TMEM163: variants seen among roughly 807,000 people sequenced by gnomAD.
TMEM163 encodes transmembrane protein 163.
In TMEM163, 17 loss-of-function variants were observed where a neutral mutation model predicts 29.3. The observed-to-expected ratio is 0.58, with a 90% CI of 0.40 to 0.87. The LOEUF is 0.87. Ranked by LOEUF, TMEM163 falls within the 40% of genes least tolerant of loss-of-function variation. The pLI is 0.00. For synonymous variants in TMEM163, 157 were observed against 160.6 expected (o/e 0.98, Z 0.17); for missense variants, 303 against 381.5 (o/e 0.79, Z 1.71).
intron 2 of TMEM163, among the ~76,000 whole-genome samples, chr2:134,689,382 A>G (rs967450569): frequency 2.0e-5 from 3 of 152,160 alleles, no homozygotes; most frequent in African/African-American, 7.2e-5. Flanking sequence ...TGCTGGGATT[A>G]CAGGCATGAG....
At chr2:134,623,160 T>C (rs1229086397) in intron 2 of TMEM163, among the ~76,000 whole-genome samples, 2 of 152,196 alleles carry the variant, frequency 1.3e-5, no homozygotes, top group Non-Finnish European at 2.9e-5. Flanking sequence ...TCTAAAGGTT[T>C]CTGATGGTGG....
chr2:134,534,119 C>T (rs961260131), intron 4 of TMEM163, among the ~76,000 whole-genome samples: 3 of 152,104 alleles, frequency 2.0e-5, no homozygotes, highest in African/African-American at 7.2e-5. Context: ...AAAAAGCAGC[C>T]AGCTCAGGGT....
intron 5 of TMEM163, among the ~76,000 whole-genome samples, chr2:134,489,319 C>A (rs559223609): frequency 6.6e-6 from 1 of 151,606 alleles, no homozygotes. Flanking sequence ...ATGGTTCACA[C>A]CTGTAATCCC....
At chr2:134,657,810 A>G (rs185622573) in intron 2 of TMEM163, among the ~76,000 whole-genome samples, 1 of 111,620 alleles carries the variant, frequency 9.0e-6, no homozygotes, top group Non-Finnish European at 1.7e-5. Context: ...TCTCAAAAAT[A>G]AAAAATAAAA....
At chr2:134,609,798 G>A (rs1031199557) in intron 2 of TMEM163, among the ~76,000 whole-genome samples, 1 of 111,748 alleles carries the variant, frequency 8.9e-6, no homozygotes, top group African/African-American at 3.7e-5. Context: ...GACAGACCCC[G>A]AGAACTGTAC....
chr2:134,694,825 T>C (rs1263460420), intron 2 of TMEM163, among the ~76,000 whole-genome samples: 2 of 152,084 alleles, frequency 1.3e-5, no homozygotes, highest in African/African-American at 2.4e-5. Context: ...TCAACTGACA[T>C]CTAAAAATAC....
At chr2:134,622,716 G>C (rs567643227) in intron 2 of TMEM163, among the ~76,000 whole-genome samples, 7 of 152,194 alleles carry the variant, frequency 4.6e-5, no homozygotes, top group African/African-American at 1.7e-4. Flanking sequence ...GGTCATTGTG[G>C]ATATTTTCAT....
chr2:134,459,559 CCCCA>C (rs765068190), intron 6 of TMEM163, among the ~76,000 whole-genome samples: 6 of 106,714 alleles, frequency 5.6e-5, no homozygotes, highest in South Asian at 3.8e-4. Context: ...CCCACGCCTC[CCCCA>C]TCTGCTACTG....
Position 134,502,960 on chromosome 2 carries a change from A to T in TMEM163, c.496T>A (p.Ser166Thr). The T allele has an allele frequency of 6.2e-7, 1 of 1,614,046 alleles. No homozygotes were observed. ...ATGGCTTTGACCACTATACATATGG[A>T]TGACAGAAGGAATATCACCCCCAAG... ...VILGVIFLLSSICIVVKAIHD... is the reference protein window; with the variant it reads ...VILGVIFLLSTICIVVKAIHD... Residue 166 changes from serine (S) to threonine (T), a missense_variant, in exon 5 of 8, where the codon TCC becomes ACC. Physicochemically the swap from Ser to Thr is moderately conservative, Grantham distance 58. Coordinates refer to ENST00000281924, the MANE Select transcript of TMEM163 (RefSeq NM_030923.5).
At chr2:134,465,183 C>A in intron 6 of TMEM163, among the ~76,000 whole-genome samples, 1 of 97,376 alleles carries the variant, frequency 1.0e-5, no homozygotes, top group Non-Finnish European at 1.7e-5. Context: ...GGTGAGTCCG[C>A]ATCTTTAAAA....
At chr2:134,550,775 A>T in intron 3 of TMEM163, 114 bp from the exon 4 acceptor site, 1 of 999,910 alleles carries the variant, frequency 1.0e-6, no homozygotes, top group Non-Finnish European at 1.5e-6. Flanking sequence ...AACTCTGAGC[A>T]AAGAGGTCTC....
At chr2:134,627,747 C>T (rs562662802) in intron 2 of TMEM163, among the ~76,000 whole-genome samples, 104 of 152,226 alleles carry the variant, frequency 6.8e-4, no homozygotes, top group African/African-American at 2.1e-3. Context: ...AAAGTTATTC[C>T]TATGAAATGT....
At chr2:134,714,459 C>T (rs1441670375) in intron 1 of TMEM163, among the ~76,000 whole-genome samples, 1 of 152,196 alleles carries the variant, frequency 6.6e-6, no homozygotes, top group Non-Finnish European at 1.5e-5. Context: ...CTCATTCATC[C>T]AACTGGGTAC....
chr2:134,461,006 A>G (rs1236398331), intron 6 of TMEM163, among the ~76,000 whole-genome samples: 1 of 152,184 alleles, frequency 6.6e-6, no homozygotes, highest in East Asian at 1.9e-4. Flanking sequence ...GCCACCTGCC[A>G]CTTTGCTCCA....
At chr2:134,496,546 CA>C (rs1679565688) in intron 5 of TMEM163, among the ~76,000 whole-genome samples, 1 of 152,124 alleles carries the variant, frequency 6.6e-6, no homozygotes, top group South Asian at 2.1e-4. Context: ...CAGAGATGGC[CA>C]CCTCGCCAGA....
At chr2:134,686,860 G>T (rs1263605723) in intron 2 of TMEM163, among the ~76,000 whole-genome samples, 1 of 152,174 alleles carries the variant, frequency 6.6e-6, no homozygotes, top group East Asian at 1.9e-4. Context: ...AGTAGCCAGA[G>T]AATCAGCATT....
intron 2 of TMEM163, among the ~76,000 whole-genome samples, chr2:134,676,461 T>C (rs923340196): frequency 2.0e-5 from 3 of 152,202 alleles, no homozygotes; most frequent in Non-Finnish European, 4.4e-5. Flanking sequence ...GATATAGATA[T>C]ATATATAAAT....
chr2:134,587,031 T>G (rs558703258), intron 2 of TMEM163, among the ~76,000 whole-genome samples: 1 of 151,770 alleles, frequency 6.6e-6, no homozygotes. Context: ...TAAGATCTCA[T>G]CTGTGAGTCC....
At chr2:134,646,620 T>C (rs1683343769) in intron 2 of TMEM163, among the ~76,000 whole-genome samples, 1 of 151,900 alleles carries the variant, frequency 6.6e-6, no homozygotes, top group African/African-American at 2.4e-5. Flanking sequence ...AATTTTTGTA[T>C]TATTAATAGA....
Sources: gnomAD v4.1 joint callset for allele counts (sites outside exome capture counted in the v4.1 genomes callset) on GRCh38, gnomAD v4.1.1 for gene constraint, MANE v1.5 for transcripts, NCBI Gene and HGNC (gene_info 2026-07-23, HGNC 2026-07-21) for gene names.